The following STK33 variants were observed in gnomAD, a reference collection of about 807,000 sequenced individuals.
STK33 encodes the protein serine/threonine-protein kinase 33.
STK33 carries 52 observed loss-of-function variants against 58.0 expected under a neutral mutation model. That is an observed-to-expected ratio of 0.90 (90% CI 0.72 to 1.13). The LOEUF is 1.13. Among genes scored for constraint, STK33 ranks in the 50% most tolerant of loss-of-function variants. The probability of loss-of-function intolerance (pLI) is 0.00; values close to 1 mark genes in which losing one functional copy is unlikely to be tolerated. For synonymous variants in STK33, 215 were observed against 200.1 expected (o/e 1.07, Z -0.63); for missense variants, 630 against 604.2 (o/e 1.04, Z -0.45).
chr11:8,392,792 C>A, intron 15 of STK33, 82 bp from the exon 16 acceptor site: 1 of 1,446,662 alleles, frequency 6.9e-7, no homozygotes, highest in Non-Finnish European at 9.5e-7. Flanking sequence ...ACAAAGTTGT[C>A]CAGGATTTGC....
At chr11:8,541,618 T>C (rs1326766419) in intron 1 of STK33, among the ~76,000 whole-genome samples, 2 of 152,190 alleles carry the variant, frequency 1.3e-5, no homozygotes, top group Non-Finnish European at 2.9e-5. Context: ...TATATCACTA[T>C]ATATTTTGAA....
downstream of STK33, among the ~76,000 whole-genome samples, chr11:8,389,157 G>A (rs1174617363): frequency 1.3e-5 from 2 of 152,230 alleles, no homozygotes; most frequent in African/African-American, 4.8e-5. Context: ...ACCCACAAAG[G>A]AAGACATAGT....
intron 15 of STK33, among the ~76,000 whole-genome samples, chr11:8,401,406 G>T (rs937081294): frequency 3.3e-5 from 5 of 152,200 alleles, no homozygotes; most frequent in African/African-American, 4.8e-5. Flanking sequence ...TGGGAAAACT[G>T]GTTAGCCATA....
rs752187725 is a variant in STK33 at position 8,474,863 on chromosome 11, C to A, written c.43G>T (p.Asp15Tyr). Residue 15 changes from aspartate to tyrosine, a missense_variant, in exon 5 of 16, where the codon GAC becomes TAC. Transcript: ENST00000687296. ...TCTTTCTGAGAAGCAGATGAACAGT[C>A]GGGGCATTTTGTGGATTTTTTATCT... Reference protein sequence around the residue: ...GLDKKSTKCPDCSSASQKDVL... With the variant: ...GLDKKSTKCPYCSSASQKDVL... The A allele has an allele frequency of 6.3e-7, 1 of 1,596,480 alleles. No homozygotes were observed. The highest frequency in any genetic ancestry group is 8.5e-7 in the Non-Finnish European group (1 of 1,172,380).
chr11:8,421,781 T>A (rs907316193), intron 14 of STK33, among the ~76,000 whole-genome samples: 1 of 152,218 alleles, frequency 6.6e-6, no homozygotes, highest in South Asian at 2.1e-4. Flanking sequence ...GGAGGTCTTA[T>A]AAATCTTATG....
chr11:8,337,648 G>A, the STK33 span, among the ~76,000 whole-genome samples: 16 of 148,820 alleles, frequency 1.1e-4, 1 homozygote, highest in Middle Eastern at 3.5e-3. Flanking sequence ...CGGGGGGCGG[G>A]GGGGGGGCCC....
chr11:8,547,499 C>T (rs1016225395), intron 1 of STK33, among the ~76,000 whole-genome samples: 4 of 152,202 alleles, frequency 2.6e-5, no homozygotes, highest in Non-Finnish European at 5.9e-5. Flanking sequence ...CAGGCGTGAG[C>T]CACTGCACCT....
At chr11:8,446,956 A>G (rs528942903) in intron 11 of STK33, among the ~76,000 whole-genome samples, 1 of 152,338 alleles carries the variant, frequency 6.6e-6, no homozygotes, top group South Asian at 2.1e-4. Context: ...ACAAAAGCCA[A>G]AATTGACAAA....
At chr11:8,395,658 T>C (rs1030027943) in intron 15 of STK33, among the ~76,000 whole-genome samples, 2 of 152,242 alleles carry the variant, frequency 1.3e-5, no homozygotes, top group Admixed American at 6.5e-5. Context: ...TTCTTTTTTC[T>C]GGCTATGCAA....
chr11:8,511,715 T>G (rs1167688879), intron 1 of STK33, among the ~76,000 whole-genome samples: 5 of 152,204 alleles, frequency 3.3e-5, no homozygotes, highest in Non-Finnish European at 5.9e-5. Context: ...CAAATGCTTT[T>G]GCTGTGTCTA....
intron 14 of STK33, among the ~76,000 whole-genome samples, chr11:8,433,621 G>A (rs890011627): frequency 5.3e-5 from 8 of 152,006 alleles, no homozygotes; most frequent in Admixed American, 1.3e-4. Context: ...TTCACCATCC[G>A]TGTCCCAGAA....
intron 1 of STK33, among the ~76,000 whole-genome samples, chr11:8,544,858 G>A (rs1955794870): frequency 6.6e-6 from 1 of 152,156 alleles, no homozygotes; most frequent in Admixed American, 6.5e-5. Flanking sequence ...TGTCCTTAGA[G>A]ACAAATGTTT....
At chr11:8,367,783 T>C in the STK33 span, among the ~76,000 whole-genome samples, 2 of 152,284 alleles carry the variant, frequency 1.3e-5, no homozygotes, top group Admixed American at 6.5e-5. Context: ...GAAAATGGTA[T>C]AGTCGGGATT....
rs1312455706 is a variant in STK33 at position 8,511,521 on chromosome 11, A to C, written c.-465-30907T>G. Among the ~76,000 whole-genome samples, 3 of 152,214 alleles carry C rather than the reference A, an allele frequency of 2.0e-5. 1 individual carries two copies. The highest frequency in any genetic ancestry group is 2.0e-4 in the Admixed American group (3 of 15,280). ...TAGGATTTCCAGTACTATGTTAAAC[A>C]GAAGTGGTGAAAGTGGGCATCCTTG... On this transcript the variant is annotated intron_variant, in intron 1 of 15. Transcript: ENST00000687296.
At chr11:8,380,497 T>A in the STK33 span, among the ~76,000 whole-genome samples, 1 of 150,836 alleles carries the variant, frequency 6.6e-6, no homozygotes, top group Non-Finnish European at 1.5e-5. Context: ...GAGGCAGAGG[T>A]TGCAGCGAGC....
At chr11:8,378,879 C>A in the STK33 span, among the ~76,000 whole-genome samples, 3 of 152,128 alleles carry the variant, frequency 2.0e-5, no homozygotes, top group Admixed American at 6.5e-5. Flanking sequence ...CATCACATTA[C>A]CAGACTTCAA....
At chr11:8,566,287 G>C (rs1046080662) in intron 1 of STK33, among the ~76,000 whole-genome samples, 8 of 152,184 alleles carry the variant, frequency 5.3e-5, no homozygotes, top group African/African-American at 1.9e-4. Context: ...TCCAAAACGT[G>C]AGAGTTGAGA....
At chr11:8,519,386 G>A (rs930822766) in intron 1 of STK33, among the ~76,000 whole-genome samples, 8 of 152,148 alleles carry the variant, frequency 5.3e-5, no homozygotes, top group Non-Finnish European at 8.8e-5. Flanking sequence ...ACAAGAGAAA[G>A]CAGGAAGGAT....
Position 8,403,449 on chromosome 11 carries a change from A to G in STK33, c.1344+10046T>C, listed in dbSNP as rs78719479. ...TAAAAGGTAAAGAATAAGAGGCTAT[A>G]TATAATCAAAATCTATAAAATGAAG... On this transcript the variant is annotated intron_variant, in intron 15 of 15. Coordinates refer to ENST00000687296, the MANE Select transcript of STK33 (RefSeq NM_001352389.2). Among the ~76,000 whole-genome samples, 91 of 152,336 alleles carry G rather than the reference A, an allele frequency of 6.0e-4. 1 individual carries two copies. The East Asian group carries it at 0.016, about 26-fold the overall frequency.
Sources: gnomAD v4.1 joint callset for allele counts (sites outside exome capture counted in the v4.1 genomes callset) on GRCh38, gnomAD v4.1.1 for gene constraint, MANE v1.5 for transcripts, NCBI Gene and HGNC (gene_info 2026-07-23, HGNC 2026-07-21) for gene names.